Variants in DNAH5 observed in about 807,000 individuals in gnomAD.
DNAH5 encodes the protein axonemal beta dynein heavy chain 5.
Under a neutral mutation model 518.2 loss-of-function variants are expected in DNAH5, and 372 were observed. That is an observed-to-expected ratio of 0.72 (90% confidence interval 0.66 to 0.78). DNAH5 has a LOEUF of 0.78. DNAH5 is among the 30% of genes least tolerant of loss of function. The probability of loss-of-function intolerance (pLI) is 0.00; values close to 1 mark genes in which losing one functional copy is unlikely to be tolerated. For synonymous variants in DNAH5, 2,039 were observed against 2,025.9 expected, an observed-to-expected ratio of 1.01 and a Z score of -0.17; for missense variants, 5,523 against 5,687.0, an observed-to-expected ratio of 0.97 and a Z score of 0.93.
At chr5:13,850,552 G>T in intron 31 of DNAH5, 100 bp downstream of exon 31, 1 of 965,302 alleles carries the variant, frequency 1.0e-6, no homozygotes, top group Non-Finnish European at 1.7e-6. Flanking sequence ...TATAAATTCA[G>T]CCTTAGCAAA....
rs902150578 is a variant in DNAH5, at chr5:13,691,324, G to C, written c.*660C>G. 13 of 152,244 alleles carry C rather than the reference G, an allele frequency of 8.5e-5. No individual in the cohort carries two copies. The highest frequency in any genetic ancestry group is 6.5e-4 in the Admixed American group (10 of 15,278). 9.4% of individuals were successfully genotyped at this position (152,244 alleles called of 1,614,324 possible). A position where few individuals can be genotyped will look rare whatever the true frequency, so the allele number is the denominator to read the frequency against. On this transcript the variant is annotated 3_prime_UTR_variant, in exon 79 of 79. Transcript: ENST00000265104. ...TTTGTGAGTGGATCAGTTTTACTGA[G>C]AGCATGCTATCATTTACTTTTAGCT...
intron 1 of DNAH5, among the ~76,000 whole-genome samples, chr5:13,971,663 G>A (rs927528304): frequency 1.3e-5 from 2 of 152,202 alleles, no homozygotes; most frequent in East Asian, 3.9e-4. Flanking sequence ...ACCAGCACCT[G>A]CTCCAGTGGA....
intron 60 of DNAH5, among the ~76,000 whole-genome samples, chr5:13,759,286 A>C (rs551136106): frequency 6.6e-6 from 1 of 152,304 alleles, no homozygotes; most frequent in African/African-American, 2.4e-5. Context: ...ACTTATTTTA[A>C]AACTATTTAA....
chr5:13,768,895 T>C (rs896979844), intron 58 of DNAH5, 65 bp downstream of exon 58: 15 of 1,556,648 alleles, frequency 9.6e-6, no homozygotes, highest in Non-Finnish European at 1.2e-5. Context: ...CTGTTATTCA[T>C]CTTTTTAGCA....
chr5:13,713,609 T>C (rs1186307157), intron 75 of DNAH5, among the ~76,000 whole-genome samples: 1 of 150,952 alleles, frequency 6.6e-6, no homozygotes, highest in Non-Finnish European at 1.5e-5. Context: ...GCCAATCATA[T>C]GTTCTCACTG....
chr5:13,712,728 A>G (rs985189328), intron 75 of DNAH5, among the ~76,000 whole-genome samples: 1 of 152,294 alleles, frequency 6.6e-6, no homozygotes, highest in Admixed American at 6.5e-5. Context: ...AAAATGCTCA[A>G]CATCACTAAT....
rs770043711 is a variant in DNAH5, at chr5:13,811,765, T to A, written c.7289A>T (p.Glu2430Val). 1.9e-6 allele frequency: 3 copies of A among 1,614,158 alleles called. No homozygotes were observed. Among genetic ancestry groups the A allele is most frequent in the Non-Finnish European group, 2.5e-6 (3 of 1,180,030 alleles). Residue 2430 changes from glutamate (E) to valine (V), a missense_variant, in exon 44 of 79, where the codon GAG (glutamate) becomes GTG (valine). By Grantham distance (121) the Glu-to-Val change is moderately radical (BLOSUM62 -2). This residue lies in a region of DNAH5 where 5,121 missense variants were observed against 5,223.3 expected (regional missense o/e 0.98). Coordinates refer to ENST00000265104, the MANE Select transcript of DNAH5 (RefSeq NM_001369.3). ...EAEILRQLYT[E>V]SFPDLYRFCI... The stretch of plus-strand genomic sequence containing the variant: ...GAAGCGATACAAGTCTGGGAAAGAC[T>A]CGGTGTACAGCTGACGAAGAATTTC...
Position 13,882,872 on chromosome 5 carries a change from C to T in DNAH5, c.3174+32G>A, listed in dbSNP as rs748069281. On this transcript the variant is annotated intron_variant, in intron 20 of 78. Coordinates refer to ENST00000265104, the MANE Select transcript of DNAH5 (RefSeq NM_001369.3). ...TCCTATCTGTAAAAGAAGTGGTTTC[C>T]ATATGAAACCATTTCTGCACCCCAT... is the stretch of plus-strand genomic sequence containing the variant. 3 of 1,613,630 alleles carry T rather than the reference C, an allele frequency of 1.9e-6. No individual in the cohort carries two copies. In the South Asian group the frequency reaches 3.3e-5, roughly 18 times the overall value.
At position 13,830,597 on chromosome 5, in the gene DNAH5, C is replaced by A. The variant is rs1237767299; in HGVS notation, c.6061G>T (p.Gly2021Ter). The A allele has an allele frequency of 6.2e-7, 1 of 1,613,974 alleles. No homozygotes were observed. ...CCAGATTAAAAAATATAACCCATAC[C>A]CTTAAAAATCCGTCCAAGTCCTCGG... ...DFRGLGRIFK[G>*]LAQSGSWGCF... The change falls in exon 36 of 79, where the codon GGA (glycine) becomes TGA (stop). Residue 2021 changes from glycine to a stop codon, truncating the protein, a stop_gained and splice_region_variant. Coordinates refer to ENST00000265104, the MANE Select transcript of DNAH5 (RefSeq NM_001369.3). LOFTEE classifies it high-confidence loss of function.
At chr5:13,924,043 C>G (rs982016213) in intron 3 of DNAH5, among the ~76,000 whole-genome samples, 1 of 151,796 alleles carries the variant, frequency 6.6e-6, no homozygotes, top group Admixed American at 6.6e-5. Context: ...GAAACTCAGT[C>G]TGAAAAACAA....
At chr5:13,961,788 A>T (rs1781205696) in intron 1 of DNAH5, among the ~76,000 whole-genome samples, 1 of 152,126 alleles carries the variant, frequency 6.6e-6, no homozygotes, top group Non-Finnish European at 1.5e-5. Flanking sequence ...CTAATCCTTG[A>T]TGCTCAACTC....
At chr5:13,692,202 G>A (rs1263113405) in intron 78 of DNAH5, 67 bp from the exon 79 acceptor site, 24 of 1,526,892 alleles carry the variant, frequency 1.6e-5, no homozygotes, top group African/African-American at 2.7e-5. Flanking sequence ...AGAATGCAGA[G>A]CCATGCTTCT....
intron 30 of DNAH5, among the ~76,000 whole-genome samples, 172 bp from the exon 31 acceptor site, chr5:13,850,987 C>T (rs1766755525): frequency 6.6e-6 from 1 of 152,182 alleles, no homozygotes; most frequent in South Asian, 2.1e-4. Flanking sequence ...GCTTTCTGTG[C>T]CATATCATCC....
At chr5:13,973,644 G>A (rs1446867422) in intron 1 of DNAH5, among the ~76,000 whole-genome samples, 1 of 151,656 alleles carries the variant, frequency 6.6e-6, no homozygotes, top group Non-Finnish European at 1.5e-5. Context: ...ACAGAGCAGT[G>A]AGATGTGGAT....
intron 1 of DNAH5, among the ~76,000 whole-genome samples, chr5:14,006,079 C>T (rs1784707565): frequency 6.7e-6 from 1 of 148,802 alleles, no homozygotes; most frequent in South Asian, 2.2e-4. Context: ...CCTCCCCACA[C>T]CCAACCCTGG....
At chr5:13,847,290 C>T (rs1393659987) in intron 31 of DNAH5, among the ~76,000 whole-genome samples, 1 of 150,190 alleles carries the variant, frequency 6.7e-6, no homozygotes, top group Non-Finnish European at 1.5e-5. Context: ...GTAACAAAAT[C>T]AAAAGACAGG....
rs763470877 is a variant in DNAH5, at chr5:13,766,183, G to A, written c.9898-4C>T. 1.2e-6 allele frequency: 2 copies of A among 1,614,120 alleles called. No individual in the cohort carries two copies. Among genetic ancestry groups the A allele is most frequent in the East Asian group, 2.2e-5 (1 of 44,894 alleles). ...CGATGTCCGAAGGCCTGATGGTCTG[G>A]GGGATGAAAGGAACGATCACCCAAC... On this transcript the variant is annotated splice_polypyrimidine_tract_variant and splice_region_variant and intron_variant, in intron 58 of 78. Transcript: ENST00000265104.
At chr5:13,792,250 G>A (rs1188839161) in intron 49 of DNAH5, 33 bp from the exon 50 acceptor site, 1 of 1,559,868 alleles carries the variant, frequency 6.4e-7, no homozygotes, top group Non-Finnish European at 8.8e-7. Flanking sequence ...ATTTTGATTA[G>A]CCATTCAAAG....
intron 41 of DNAH5, among the ~76,000 whole-genome samples, chr5:13,818,157 G>A (rs528499067): frequency 3.9e-5 from 6 of 152,296 alleles, no homozygotes; most frequent in African/African-American, 1.4e-4. Flanking sequence ...CATGAATCAA[G>A]GACTTTCTTT....
Sources: allele counts gnomAD v4.1 joint callset (sites outside exome capture counted in the v4.1 genomes callset), GRCh38; gene constraint gnomAD v4.1.1; regional missense constraint gnomAD v4.1.1; transcripts MANE v1.5; gene names NCBI Gene and HGNC (gene_info 2026-07-23, HGNC 2026-07-21).